Variants in EGF observed in about 807,000 individuals in gnomAD.
EGF encodes epidermal growth factor, also known as pro-epidermal growth factor.
A neutral mutation model predicts 143.8 loss-of-function variants in EGF; 95 were observed. The ratio of observed to expected loss-of-function variants is 0.66; its 90% CI spans 0.56 to 0.78. EGF has a LOEUF of 0.78. Ranked by LOEUF, EGF falls within the 30% of genes least tolerant of loss-of-function variation. EGF has a pLI of 0.00. For missense variants in EGF, 1,320 were observed against 1,470.9 expected (o/e 0.90, Z 1.68); for synonymous variants, 510 against 510.5 (o/e 1.00, Z 0.01).
In EGF at chr4:109,963,276, T is replaced by A. The variant is rs149448320; in HGVS notation, c.1416T>A (p.Asp472Glu). 946 of 1,613,772 alleles carry A rather than the reference T, an allele frequency of 5.9e-4. No homozygotes were observed. Among genetic ancestry groups the A allele is most frequent in the Non-Finnish European group, 7.1e-4 (843 of 1,179,910 alleles). ...TTCCTGGGTATGACCTACAACTGGA[T>A]GAAAAAAGCTGTGCAGCTTCAGGTT... The part of the protein sequence containing the change: ...DCFPGYDLQL[D>E]EKSCAASGPQ... The change falls in exon 9 of 24, where the codon GAT becomes GAA. Residue 472 changes from aspartate to glutamate, a missense_variant. Coordinates refer to ENST00000265171, the MANE Select transcript of EGF (RefSeq NM_001963.6).
At chr4:109,938,392 T>G (rs1319201123) in intron 1 of EGF, among the ~76,000 whole-genome samples, 4 of 152,238 alleles carry the variant, frequency 2.6e-5, no homozygotes, top group African/African-American at 9.6e-5. Context: ...CTCTACACTG[T>G]TGATTCTAGT....
At chr4:109,958,853 G>A (rs1312373484) in intron 5 of EGF, among the ~76,000 whole-genome samples, 7 of 150,532 alleles carry the variant, frequency 4.7e-5, no homozygotes, top group Non-Finnish European at 2.9e-5. Context: ...AGAAGGCTGA[G>A]GTTGCAGTGA....
At chr4:109,964,289 C>T in intron 9 of EGF, 112 bp from the exon 10 acceptor site, 1 of 1,468,786 alleles carries the variant, frequency 6.8e-7, no homozygotes, top group African/African-American at 1.4e-5. Flanking sequence ...ATTAAGAAAA[C>T]AAGTACTGTA....
At chr4:109,934,758 C>T (rs1442139305) in intron 1 of EGF, among the ~76,000 whole-genome samples, 1 of 152,064 alleles carries the variant, frequency 6.6e-6, no homozygotes, top group Non-Finnish European at 1.5e-5. Context: ...AGGAAGGGAT[C>T]CAGTTTCAGC....
chr4:109,976,232 G>A lies in EGF; in HGVS notation c.2050G>A (p.Val684Ile), dbSNP rs1287322597. 4 of 1,613,726 alleles carry A rather than the reference G, an allele frequency of 2.5e-6. No individual in the cohort carries two copies. Among genetic ancestry groups the A allele is most frequent in the Non-Finnish European group, 3.4e-6 (4 of 1,179,840 alleles). ...ACGCCGAAGACTTACCCAGAATGAT[G>A]TAGGTGAGGCTTTGGGATGGGCGAT... ...SKRRRLTQND[V>I]GHPFAVAVFE... Residue 684 changes from valine to isoleucine, a missense_variant, in exon 13 of 24, where the codon GTA becomes ATA. This residue lies in a region of EGF where 1,186 missense variants were observed against 1,313.7 expected (regional missense o/e 0.90). Transcript: ENST00000265171.
At chr4:109,931,033 T>C (rs746100633) in intron 1 of EGF, among the ~76,000 whole-genome samples, 3 of 152,344 alleles carry the variant, frequency 2.0e-5, no homozygotes, top group Non-Finnish European at 2.9e-5. Flanking sequence ...CCAAAACAAA[T>C]GTTGTAGGTT....
chr4:110,004,429 T>C lies in EGF; in HGVS notation c.3174-76T>C, dbSNP rs11569110. On this transcript the variant is annotated intron_variant, in intron 21 of 23. Transcript: ENST00000265171. The stretch of plus-strand genomic sequence containing the variant: ...AATTTTAGTAGCAAAAGCAGTTAGT[T>C]GTCCCTGATCATCACTGAGTGGGCT... The C allele has an allele frequency of 1.5e-5, 19 of 1,246,656 alleles. No homozygotes were observed. In the South Asian group the frequency reaches 2.3e-4, roughly 15 times the overall value. The allele number at this position is 1,246,656 out of a possible 1,614,324, so 77.2% of individuals were successfully genotyped here. A position where few individuals can be genotyped will look rare whatever the true frequency, so the allele number is the denominator to read the frequency against.
intron 5 of EGF, among the ~76,000 whole-genome samples, chr4:109,955,418 A>C (rs1744636908): frequency 1.3e-5 from 2 of 152,186 alleles, no homozygotes; most frequent in Admixed American, 6.5e-5. Context: ...TAAGGAGATT[A>C]AAGAAAATAT....
rs1246727682 is a variant in EGF, at chr4:109,944,081, T to C, written c.737+12T>C. 2 of 1,611,326 alleles carry C rather than the reference T, an allele frequency of 1.2e-6. No individual in the cohort carries two copies. Among genetic ancestry groups the C allele is most frequent in the Admixed American group, 1.7e-5 (1 of 59,978 alleles). On this transcript the variant is annotated intron_variant, in intron 4 of 23. Coordinates refer to ENST00000265171, the MANE Select transcript of EGF (RefSeq NM_001963.6). ...AAACATCCAACACAGTAAGTTTTAC[T>C]CTTGGTATAAAATAAAACAATTGTC...
At chr4:109,917,495 T>C (rs1333277900) in intron 1 of EGF, among the ~76,000 whole-genome samples, 2 of 152,088 alleles carry the variant, frequency 1.3e-5, no homozygotes, top group Non-Finnish European at 2.9e-5. Flanking sequence ...TTAGTTTTTG[T>C]CTTTTTTTTT....
chr4:109,958,465 GTTTA>G (rs1745147061), intron 5 of EGF, among the ~76,000 whole-genome samples: 1 of 152,028 alleles, frequency 6.6e-6, no homozygotes, highest in Non-Finnish European at 1.5e-5. Flanking sequence ...AGATTTTACT[GTTTA>G]TTATGGAATA....
chr4:109,943,271 GA>G lies in EGF; in HGVS notation c.350del (p.Asn117MetfsTer7). 1.2e-6 allele frequency: 2 copies of G among 1,606,416 alleles called. No individual in the cohort carries two copies. Among genetic ancestry groups the G allele is most frequent in the Non-Finnish European group, 1.7e-6 (2 of 1,176,576 alleles). Reference sequence around the variant, plus strand: ...TTTTGCAGAGAGTATGTAATATAGAGAAAAATGTTTCTGGAATGGCAATAAA... The same window carrying G: ...TTTTGCAGAGAGTATGTAATATAGAGAAAATGTTTCTGGAATGGCAATAAA... The part of the protein sequence containing the change: ...SRQERVCNIE[K>X]NVSGMAINWI... On this transcript the variant is annotated frameshift_variant, in exon 3 of 24. Coordinates refer to ENST00000265171, the MANE Select transcript of EGF (RefSeq NM_001963.6). LOFTEE classifies it high-confidence loss of function.
chr4:110,001,186 A>G (rs1752528023), intron 21 of EGF, among the ~76,000 whole-genome samples: 6 of 152,246 alleles, frequency 3.9e-5, no homozygotes. Context: ...ACTATAAAGT[A>G]GGAACAAGAA....
chr4:110,003,541 C>T (rs532852201), intron 21 of EGF, among the ~76,000 whole-genome samples: 10 of 152,246 alleles, frequency 6.6e-5, no homozygotes, highest in South Asian at 4.1e-4. Context: ...CTTCCTGGAA[C>T]GTCCAGGTAG....
intron 6 of EGF, 38 bp downstream of exon 6, chr4:109,959,475 CGCT>C: frequency 5.6e-6 from 9 of 1,611,608 alleles, no homozygotes; most frequent in Non-Finnish European, 6.8e-6. Flanking sequence ...ATGGAAGAGT[CGCT>C]GCTTGAGGGG....
At chr4:109,950,928 T>C (rs1175586607) in intron 5 of EGF, among the ~76,000 whole-genome samples, 3 of 152,170 alleles carry the variant, frequency 2.0e-5, no homozygotes, top group Admixed American at 6.6e-5. Context: ...GTCTGTCTTT[T>C]TATATTCCTT....
rs964953858 is a variant in EGF at position 109,913,588 on chromosome 4, T to G, written c.127+126T>G. On this transcript the variant is annotated intron_variant, in intron 1 of 23. Coordinates refer to ENST00000265171, the MANE Select transcript of EGF (RefSeq NM_001963.6). Reference sequence around the variant, plus strand: ...TTTGGGTATGTATAGTTGCTTAATTTTTGTTTTCTGATGCATGTTTATTTT... The same window carrying G: ...TTTGGGTATGTATAGTTGCTTAATTGTTGTTTTCTGATGCATGTTTATTTT... The G allele has an allele frequency of 2.1e-6, 3 of 1,427,714 alleles. No homozygotes were observed. The Admixed American group carries it at 6.1e-5, about 29-fold the overall frequency. The allele number at this position is 1,427,714 out of a possible 1,614,324, so 88.4% of individuals were successfully genotyped here.
intron 1 of EGF, among the ~76,000 whole-genome samples, chr4:109,939,389 G>A (rs11568870): frequency 0.019 from 2,918 of 152,346 alleles, 85 homozygotes; most frequent in African/African-American, 0.066. Flanking sequence ...TGCAAAGACC[G>A]TGGGAAAAGC....
chr4:109,978,432 C>T (rs1051781967), intron 13 of EGF, among the ~76,000 whole-genome samples: 14 of 152,160 alleles, frequency 9.2e-5, no homozygotes, highest in African/African-American at 2.9e-4. Context: ...CTAACATGTG[C>T]TTTAACATGG....
Sources: allele counts gnomAD v4.1 joint callset (sites outside exome capture counted in the v4.1 genomes callset), GRCh38; gene constraint gnomAD v4.1.1; regional missense constraint gnomAD v4.1.1; transcripts MANE v1.5; gene names NCBI Gene and HGNC (gene_info 2026-07-23, HGNC 2026-07-21).